Variants in CPE observed in about 807,000 individuals in gnomAD.
CPE encodes carbocypeptidase E.
CPE carries 17 observed loss-of-function variants against 53.5 expected under a neutral mutation model. That is an observed-to-expected ratio of 0.32 (90% confidence interval 0.22 to 0.48). CPE has a LOEUF of 0.48. Among genes scored for constraint, CPE ranks in the 20% least tolerant of loss-of-function variants. The pLI is 0.99. For missense variants in CPE, 524 were observed against 614.7 expected, an observed-to-expected ratio of 0.85 and a Z score of 1.56; for synonymous variants, 226 against 228.8, an observed-to-expected ratio of 0.99 and a Z score of 0.11.
chr4:165,416,563 A>G (rs1328450686), intron 1 of CPE, among the ~76,000 whole-genome samples: 3 of 151,968 alleles, frequency 2.0e-5, no homozygotes, highest in Non-Finnish European at 4.4e-5. Context: ...CTTGATCTCC[A>G]GAGGCCCCAA....
chr4:165,425,974 G>T (rs1331709506), intron 1 of CPE, among the ~76,000 whole-genome samples: 1 of 152,164 alleles, frequency 6.6e-6, no homozygotes, highest in African/African-American at 2.4e-5. Context: ...TATTGTGCCT[G>T]AATGAATTGC....
At chr4:165,481,212 A>C (rs2126710801) in intron 3 of CPE, among the ~76,000 whole-genome samples, 1 of 152,260 alleles carries the variant, frequency 6.6e-6, no homozygotes, top group East Asian at 1.9e-4. Context: ...GTGAACTCTT[A>C]GCTGTGTGAA....
At chr4:165,404,504 A>C in intron 1 of CPE, 1 of 805,650 alleles carries the variant, frequency 1.2e-6, no homozygotes, top group South Asian at 1.3e-5. Context: ...CTATGTCAGT[A>C]GTTCTGGGTT....
At chr4:165,428,970 T>C (rs941645697) in intron 1 of CPE, among the ~76,000 whole-genome samples, 1 of 152,192 alleles carries the variant, frequency 6.6e-6, no homozygotes, top group African/African-American at 2.4e-5. Context: ...TGGATATCTG[T>C]TGAGAGGCCA....
intron 1 of CPE, among the ~76,000 whole-genome samples, chr4:165,422,705 C>T (rs1423203922): frequency 2.6e-5 from 4 of 152,002 alleles, no homozygotes; most frequent in African/African-American, 9.7e-5. Context: ...GGGCCAGGTG[C>T]GGTGGCTCAG....
At chr4:165,404,262 C>A in intron 1 of CPE, 1 of 767,730 alleles carries the variant, frequency 1.3e-6, no homozygotes, top group Non-Finnish European at 2.4e-6. Context: ...ATGTCTCCCT[C>A]TGCAGGTGTG....
Position 165,434,801 on chromosome 4 carries a change from C to T in CPE, c.308-29589C>T, listed in dbSNP as rs569744406. Among the ~76,000 whole-genome samples the T allele has an allele frequency of 5.3e-5, 8 of 152,220 alleles. No homozygotes were observed. The East Asian group carries it at 1.3e-3, about 26-fold the overall frequency. On this transcript the variant is annotated intron_variant, in intron 1 of 8. Transcript: ENST00000402744. ...TGGTTTGTTTGACCCCTCCAAATCTCATGTTGAAATTTGACCCTTAGTGTT... is the reference window on the plus strand; with the variant it reads ...TGGTTTGTTTGACCCCTCCAAATCTTATGTTGAAATTTGACCCTTAGTGTT...
Position 165,415,719 on chromosome 4 carries a change from ATTTG to A in CPE, c.307+36197_307+36200del, listed in dbSNP as rs753666993. Among the ~76,000 whole-genome samples the A allele has an allele frequency of 9.9e-5, 15 of 151,986 alleles. 1 individual carries two copies. Among genetic ancestry groups the A allele is most frequent in the Admixed American group, 3.9e-4 (6 of 15,248 alleles). ...TATATTTGTCACAAATATAGCATATATTTGTTTGTCTAGTACATATATAGTATAT... is the reference window on the plus strand; with the variant it reads ...TATATTTGTCACAAATATAGCATATATTTGTCTAGTACATATATAGTATAT... On this transcript the variant is annotated intron_variant, in intron 1 of 8. Coordinates refer to ENST00000402744, the MANE Select transcript of CPE (RefSeq NM_001873.4).
intron 4 of CPE, among the ~76,000 whole-genome samples, chr4:165,483,005 T>TC (rs1732441998): frequency 6.6e-6 from 1 of 152,110 alleles, no homozygotes; most frequent in African/African-American, 2.4e-5. Flanking sequence ...TAGTTTGTTT[T>TC]TTTTTTTTTA....
intron 1 of CPE, among the ~76,000 whole-genome samples, chr4:165,391,445 A>T (rs1360334546): frequency 6.6e-6 from 1 of 152,162 alleles, no homozygotes; most frequent in Non-Finnish European, 1.5e-5. Context: ...CTCAGCCCTC[A>T]GACCAAGGTA....
chr4:165,467,489 A>G (rs1399760195), intron 2 of CPE, among the ~76,000 whole-genome samples, 199 bp from the exon 3 acceptor site: 2 of 152,232 alleles, frequency 1.3e-5, no homozygotes, highest in Non-Finnish European at 2.9e-5. Context: ...AAATGTCATT[A>G]TGCGGCCCAT....
chr4:165,484,480 G>T lies in CPE; in HGVS notation c.849G>T (p.Arg283=). ...PDDAIFQSLA[R]AYSSFNPAMS... ...ACGCCATTTTCCAAAGCTTGGCCCGGGCATACTCTTCTTTCAACCCGGCCA... is the reference window on the plus strand; with the variant it reads ...ACGCCATTTTCCAAAGCTTGGCCCGTGCATACTCTTCTTTCAACCCGGCCA... Residue 283 remains arginine, a synonymous_variant, in exon 5 of 9, where the codon CGG becomes CGT. Coordinates refer to ENST00000402744, the MANE Select transcript of CPE (RefSeq NM_001873.4). The T allele has an allele frequency of 6.2e-7, 1 of 1,613,992 alleles. No homozygotes were observed. The highest frequency in any genetic ancestry group is 8.5e-7 in the Non-Finnish European group (1 of 1,179,964).
At chr4:165,438,442 A>G (rs532685518) in intron 1 of CPE, among the ~76,000 whole-genome samples, 2 of 152,268 alleles carry the variant, frequency 1.3e-5, no homozygotes, top group African/African-American at 4.8e-5. Flanking sequence ...TTGGTCATCT[A>G]TCCTTCTTTA....
intron 1 of CPE, among the ~76,000 whole-genome samples, chr4:165,408,566 T>A (rs1278473101): frequency 6.6e-6 from 1 of 152,240 alleles, no homozygotes; most frequent in Admixed American, 6.5e-5. Flanking sequence ...ATTATCTGCT[T>A]CCAAAACCCA....
In CPE at chr4:165,405,109, C is replaced by A. The variant is rs185695317; in HGVS notation, c.307+25581C>A. 52 of 747,614 alleles carry A rather than the reference C, an allele frequency of 7.0e-5. No individual in the cohort carries two copies. In the Middle Eastern group the frequency reaches 1.2e-3, roughly 17 times the overall value. The allele number at this position is 747,614 out of a possible 1,614,324, so 46.3% of individuals were successfully genotyped here. A position where few individuals can be genotyped will look rare whatever the true frequency, so the allele number is the denominator to read the frequency against. ...TGAAGATGGAATCCCTTTCAAATGA[C>A]GTTAGAGCTTTCTTCTTTACTTTGT... On this transcript the variant is annotated intron_variant, in intron 1 of 8. Transcript: ENST00000402744.
chr4:165,388,187 T>A (rs1374646067), intron 1 of CPE, among the ~76,000 whole-genome samples: 1 of 152,156 alleles, frequency 6.6e-6, no homozygotes, highest in Non-Finnish European at 1.5e-5. Flanking sequence ...CTGCTCAAAA[T>A]TTGCACAAAT....
intron 1 of CPE, among the ~76,000 whole-genome samples, chr4:165,444,817 G>A (rs529141273): frequency 1.3e-5 from 2 of 152,332 alleles, no homozygotes; most frequent in Admixed American, 6.5e-5. Flanking sequence ...GATGGCCGGA[G>A]CAACTGAAGG....
intron 1 of CPE, among the ~76,000 whole-genome samples, chr4:165,457,107 TG>T (rs1417730283): frequency 6.6e-6 from 1 of 152,186 alleles, no homozygotes; most frequent in Non-Finnish European, 1.5e-5. Flanking sequence ...TTTCCCCTTT[TG>T]GAGAATCTTT....
At chr4:165,476,203 A>T (rs967690650) in intron 3 of CPE, among the ~76,000 whole-genome samples, 3 of 152,180 alleles carry the variant, frequency 2.0e-5, no homozygotes, top group Non-Finnish European at 4.4e-5. Context: ...AGTAAAGTAC[A>T]CTTGGAAGTA....
Sources: allele counts gnomAD v4.1 joint callset (sites outside exome capture counted in the v4.1 genomes callset), GRCh38; gene constraint gnomAD v4.1.1; transcripts MANE v1.5; gene names NCBI Gene and HGNC (gene_info 2026-07-23, HGNC 2026-07-21).